The following TAF12 variants were observed in gnomAD, a reference collection of about 807,000 sequenced individuals.
The protein encoded by TAF12 is TATA-box binding protein associated factor 12.
In TAF12, 3 loss-of-function variants were observed where a neutral mutation model predicts 20.8. The observed-to-expected ratio is 0.14, with a 90% CI of 0.07 to 0.37. The LOEUF (loss-of-function observed/expected upper bound fraction) is 0.37, where lower values mean the gene tolerates loss of function less well. TAF12 is among the 10% of genes least tolerant of loss of function. The pLI, the probability that TAF12 is intolerant of heterozygous loss-of-function variation, is 1.00. For synonymous variants in TAF12, 69 were observed against 70.2 expected, an observed-to-expected ratio of 0.98 and a Z score of 0.09; for missense variants, 131 against 197.9, an observed-to-expected ratio of 0.66 and a Z score of 2.03.
intron 1 of TAF12, among the ~76,000 whole-genome samples, chr1:28,640,996 G>C (rs1668011235): frequency 6.6e-6 from 1 of 152,194 alleles, no homozygotes; most frequent in South Asian, 2.1e-4. Context: ...TTGAGCCCAA[G>C]AATATAGGTT....
upstream of TAF12, among the ~76,000 whole-genome samples, chr1:28,644,052 A>C (rs1011347319): frequency 1.4e-5 from 2 of 146,068 alleles, no homozygotes; most frequent in Non-Finnish European, 3.0e-5. Context: ...CTCTGTCTCA[A>C]AAAAAAAAAA....
chr1:28,611,722 G>C (rs958576704), intron 4 of TAF12, among the ~76,000 whole-genome samples: 32 of 152,286 alleles, frequency 2.1e-4, no homozygotes, highest in African/African-American at 7.7e-4. Context: ...CTGACACTTA[G>C]ATTTCAGGTT....
intron 1 of TAF12, among the ~76,000 whole-genome samples, chr1:28,637,546 T>C (rs1667878862): frequency 6.6e-6 from 1 of 151,598 alleles, no homozygotes; most frequent in South Asian, 2.1e-4. Context: ...GCGCTTATAG[T>C]CCCAGCTACT....
At chr1:28,610,494 G>C (rs923171338) in intron 4 of TAF12, among the ~76,000 whole-genome samples, 1 of 151,616 alleles carries the variant, frequency 6.6e-6, no homozygotes, top group African/African-American at 2.4e-5. Context: ...TAAATCTTTT[G>C]TAACACAGTG....
At chr1:28,613,681 A>G (rs1344362403) in intron 3 of TAF12, among the ~76,000 whole-genome samples, 1 of 152,230 alleles carries the variant, frequency 6.6e-6, no homozygotes, top group Non-Finnish European at 1.5e-5. Flanking sequence ...ACAGTATCTT[A>G]AAAGCACTTT....
chr1:28,646,988 G>A (rs1035268664), upstream of TAF12, among the ~76,000 whole-genome samples: 7 of 150,870 alleles, frequency 4.6e-5, no homozygotes, highest in African/African-American at 1.2e-4. Context: ...GTGAGCCACC[G>A]CACCCGGCCA....
At chr1:28,617,104 C>T (rs183474170) in intron 3 of TAF12, among the ~76,000 whole-genome samples, 11 of 151,950 alleles carry the variant, frequency 7.2e-5, no homozygotes, top group Non-Finnish European at 1.3e-4. Flanking sequence ...TGGGCATCAA[C>T]AGCGAAACTC....
At chr1:28,606,734 T>G (rs1259738733) in intron 4 of TAF12, among the ~76,000 whole-genome samples, 1 of 152,200 alleles carries the variant, frequency 6.6e-6, no homozygotes, top group Non-Finnish European at 1.5e-5. Context: ...AAGTAACCCC[T>G]CTCACACCTA....
chr1:28,633,767 C>T (rs1209565059), intron 1 of TAF12, among the ~76,000 whole-genome samples: 3 of 151,746 alleles, frequency 2.0e-5, no homozygotes, highest in Admixed American at 2.0e-4. Context: ...CAAAAATTAG[C>T]TGGGCATGGT....
At chr1:28,641,623 G>C (rs1668036346) in intron 1 of TAF12, among the ~76,000 whole-genome samples, 1 of 151,978 alleles carries the variant, frequency 6.6e-6, no homozygotes, top group South Asian at 2.1e-4. Context: ...GTGAGACCCT[G>C]TTTCTACAAA....
intron 1 of TAF12, among the ~76,000 whole-genome samples, chr1:28,632,808 G>A (rs1431429018): frequency 6.6e-6 from 1 of 151,916 alleles, no homozygotes; most frequent in Non-Finnish European, 1.5e-5. Context: ...GTATATATTT[G>A]TCATATTCTA....
intron 4 of TAF12, among the ~76,000 whole-genome samples, chr1:28,612,510 A>G (rs1666896358): frequency 1.4e-5 from 2 of 145,670 alleles, no homozygotes; most frequent in Non-Finnish European, 3.0e-5. Context: ...ATATATAAAA[A>G]TTATATATAA....
chr1:28,643,998 C>T (rs572828969), upstream of TAF12, among the ~76,000 whole-genome samples: 1 of 151,816 alleles, frequency 6.6e-6, no homozygotes, highest in South Asian at 2.1e-4. Flanking sequence ...TTGCAGTGAG[C>T]CGAGATCGCG....
Position 28,628,894 on chromosome 1 carries a change from G to T in TAF12, c.-84-6729C>A, listed in dbSNP as rs184635472. Among the ~76,000 whole-genome samples, 663 of 152,316 alleles carry T rather than the reference G, an allele frequency of 4.4e-3. 8 individuals are homozygous for T. Among genetic ancestry groups the T allele is most frequent in the African/African-American group, 0.014 (588 of 41,588 alleles). ...TCGAGACCAGCCTGACCAACATGGA[G>T]AAACCCCCTCTCTACTAGTAATACA... On this transcript the variant is annotated intron_variant, in intron 1 of 5. Coordinates refer to ENST00000373824, the MANE Select transcript of TAF12 (RefSeq NM_005644.4).
chr1:28,611,036 C>A (rs370658914), intron 4 of TAF12, among the ~76,000 whole-genome samples: 97 of 151,094 alleles, frequency 6.4e-4, no homozygotes, highest in African/African-American at 2.3e-3. Context: ...TTTCTGACTG[C>A]CTCAAAGAAT....
rs571874561 is a variant in TAF12 at position 28,634,284 on chromosome 1, C to T, written c.-85+8708G>A. On this transcript the variant is annotated intron_variant, in intron 1 of 5. Coordinates refer to ENST00000373824, the MANE Select transcript of TAF12 (RefSeq NM_005644.4). ...CAAAAAAATTAGCCAGGCGTGGTGG[C>T]GCTTGCCTGTAATCTCAGCTATTTA... Among the ~76,000 whole-genome samples, 39 of 151,592 alleles carry T rather than the reference C, an allele frequency of 2.6e-4. No individual in the cohort carries two copies. In the South Asian group the frequency reaches 5.4e-3, roughly 21 times the overall value.
chr1:28,627,656 G>A (rs1284776856), intron 1 of TAF12, among the ~76,000 whole-genome samples: 28 of 98,682 alleles, frequency 2.8e-4, no homozygotes, highest in Non-Finnish European at 4.2e-4. Flanking sequence ...TCGCGCCACT[G>A]CACTCCCTCA....
intron 2 of TAF12, among the ~76,000 whole-genome samples, chr1:28,621,131 C>T (rs961545947): frequency 1.3e-5 from 2 of 152,150 alleles, no homozygotes; most frequent in Non-Finnish European, 1.5e-5. Context: ...CCTACCTATA[C>T]AATTTTAAAT....
At chr1:28,623,867 G>T in intron 1 of TAF12, 2 of 683,942 alleles carry the variant, frequency 2.9e-6, no homozygotes, top group Non-Finnish European at 1.8e-6. Flanking sequence ...GGCTGACTCT[G>T]TGGACGTCAG....
Sources: allele counts gnomAD v4.1 joint callset (sites outside exome capture counted in the v4.1 genomes callset), GRCh38; gene constraint gnomAD v4.1.1; transcripts MANE v1.5; gene names NCBI Gene and HGNC (gene_info 2026-07-23, HGNC 2026-07-21).